The following IL1RAPL2 variants were observed in gnomAD, a reference collection of about 807,000 sequenced individuals.
IL1RAPL2 encodes interleukin 1 receptor accessory protein like 2.
Under a neutral mutation model 44.1 loss-of-function variants are expected in IL1RAPL2, and 3 were observed. The observed-to-expected ratio is 0.07, with a 90% CI of 0.03 to 0.18. IL1RAPL2 has a LOEUF of 0.18. Ranked by LOEUF, IL1RAPL2 falls within the 10% of genes least tolerant of loss-of-function variation. The pLI, the probability that IL1RAPL2 is intolerant of heterozygous loss-of-function variation, is 1.00. For missense variants in IL1RAPL2, 391 were observed against 496.4 expected, an observed-to-expected ratio of 0.79 and a Z score of 2.02; for synonymous variants, 181 against 178.8, an observed-to-expected ratio of 1.01 and a Z score of -0.10.
At chrX:104,962,201 G>A (rs1003440268) in intron 2 of IL1RAPL2, among the ~76,000 whole-genome samples, 4 of 112,102 alleles carry the variant, frequency 3.6e-5, no homozygotes, top group Non-Finnish European at 5.6e-5. Flanking sequence ...ACATAGTTAA[G>A]TCTGTTTCCT....
rs867689128 is a variant in IL1RAPL2, at chrX:104,931,992, A to T, written c.83-263483A>T. 3.8e-4 allele frequency among the ~76,000 whole-genome samples: 12 copies of T among 31,333 alleles called. No individual in the cohort carries two copies. The East Asian group carries it at 0.011, about 29-fold the overall frequency. The allele number at this position is 31,333 out of a possible 115,157, so 27.2% of individuals were successfully genotyped here. A position where few individuals can be genotyped will look rare whatever the true frequency, so the allele number is the denominator to read the frequency against. ...TGTGTGTGTTTGTATATATATATAT[A>T]TATATTTTTTTTTTTTTGAGACAGA... On this transcript the variant is annotated intron_variant, in intron 2 of 10. Coordinates refer to ENST00000372582, the MANE Select transcript of IL1RAPL2 (RefSeq NM_017416.2).
Position 105,576,507 on chromosome X carries a change from G to T in IL1RAPL2, c.772+92120G>T, listed in dbSNP as rs754041364. ...GAACTTCTAGTAAGTCAATAGGTCA[G>T]CAGTATATAGTGTTCTCATGCTCTA... On this transcript the variant is annotated intron_variant, in intron 6 of 10. Coordinates refer to ENST00000372582, the MANE Select transcript of IL1RAPL2 (RefSeq NM_017416.2). Among the ~76,000 whole-genome samples the T allele has an allele frequency of 5.4e-5, 6 of 111,420 alleles. No homozygotes were observed. The Admixed American group carries it at 5.8e-4, about 11-fold the overall frequency.
intron 5 of IL1RAPL2, among the ~76,000 whole-genome samples, chrX:105,321,088 G>A (rs1317292538): frequency 9.0e-6 from 1 of 111,635 alleles, no homozygotes; most frequent in Non-Finnish European, 1.9e-5. Context: ...GGTTTGGGGT[G>A]GGGCATCTGT....
At chrX:105,331,535 A>G (rs746617466) in intron 5 of IL1RAPL2, among the ~76,000 whole-genome samples, 3 of 111,349 alleles carry the variant, frequency 2.7e-5, no homozygotes, top group Non-Finnish European at 5.7e-5. Flanking sequence ...AATTTTTGTA[A>G]ACAGAACAGC....
intron 6 of IL1RAPL2, among the ~76,000 whole-genome samples, chrX:105,602,116 A>G (rs1008697703): frequency 9.0e-6 from 1 of 111,562 alleles, no homozygotes; most frequent in Non-Finnish European, 1.9e-5. Flanking sequence ...CACTACTGCT[A>G]CTGAACCTAG....
At chrX:104,670,529 G>A (rs936872151) in intron 2 of IL1RAPL2, among the ~76,000 whole-genome samples, 6 of 111,014 alleles carry the variant, frequency 5.4e-5, no homozygotes, top group East Asian at 5.7e-4. Context: ...GCCATCTGGC[G>A]TCCTTCAATC....
intron 3 of IL1RAPL2, among the ~76,000 whole-genome samples, chrX:105,233,522 AC>A (rs1479797136): frequency 6.2e-5 from 7 of 112,182 alleles, no homozygotes; most frequent in African/African-American, 2.3e-4. Flanking sequence ...CAGATTTTCA[AC>A]ATAGCAATAT....
intron 2 of IL1RAPL2, among the ~76,000 whole-genome samples, chrX:104,978,683 G>A (rs1429472090): frequency 8.9e-6 from 1 of 112,013 alleles, no homozygotes; most frequent in Non-Finnish European, 1.9e-5. Context: ...GTACCAACTG[G>A]AAATTATTAT....
chrX:104,579,872 T>C (rs746542881), intron 1 of IL1RAPL2, among the ~76,000 whole-genome samples: 1 of 111,299 alleles, frequency 9.0e-6, no homozygotes, highest in African/African-American at 3.3e-5. Flanking sequence ...AAAATATGCA[T>C]GTCAAAATCT....
At chrX:105,373,919 G>C (rs1012193887) in intron 5 of IL1RAPL2, among the ~76,000 whole-genome samples, 3 of 109,447 alleles carry the variant, frequency 2.7e-5, no homozygotes, top group African/African-American at 1.0e-4. Flanking sequence ...AGGAGTTCAA[G>C]ACCAGCCTGG....
At chrX:104,731,179 T>G (rs1298411160) in intron 2 of IL1RAPL2, among the ~76,000 whole-genome samples, 3 of 110,201 alleles carry the variant, frequency 2.7e-5, no homozygotes, top group Non-Finnish European at 5.7e-5. Flanking sequence ...GTCTGTTCAC[T>G]CTGATGGTAG....
intron 2 of IL1RAPL2, among the ~76,000 whole-genome samples, chrX:104,795,019 T>G (rs1397033346): frequency 8.9e-6 from 1 of 111,839 alleles, no homozygotes; most frequent in Non-Finnish European, 1.9e-5. Flanking sequence ...TGGGGCTTGA[T>G]AAAAACATGG....
At chrX:105,597,357 G>A (rs1194061082) in intron 6 of IL1RAPL2, among the ~76,000 whole-genome samples, 1 of 111,656 alleles carries the variant, frequency 9.0e-6, no homozygotes, top group Non-Finnish European at 1.9e-5. Context: ...TTCTCGCATT[G>A]CTGTAAAGAA....
chrX:104,820,613 A>G (rs2147623262), intron 2 of IL1RAPL2, among the ~76,000 whole-genome samples: 1 of 111,666 alleles, frequency 9.0e-6, no homozygotes, highest in East Asian at 2.8e-4. Flanking sequence ...TCAGTACAAC[A>G]TTTCTGATTT....
rs1397723044 is a variant in IL1RAPL2, at chrX:105,042,815, C to T, written c.83-152660C>T. ...GCGGCACTATTCACAATAGCAAAGA[C>T]TTGGAACCAACCCAAATGTCCAACA... On this transcript the variant is annotated intron_variant, in intron 2 of 10. Coordinates refer to ENST00000372582, the MANE Select transcript of IL1RAPL2 (RefSeq NM_017416.2). Among the ~76,000 whole-genome samples the T allele has an allele frequency of 9.3e-5, 10 of 107,714 alleles. No individual in the cohort carries two copies. The South Asian group carries it at 2.2e-3, about 23-fold the overall frequency. The allele number at this position is 107,714 out of a possible 115,157, so 93.5% of individuals were successfully genotyped here.
intron 2 of IL1RAPL2, among the ~76,000 whole-genome samples, chrX:104,961,932 A>G (rs1287164847): frequency 1.8e-5 from 2 of 112,440 alleles, no homozygotes; most frequent in Admixed American, 9.4e-5. Flanking sequence ...TGGAAAATAG[A>G]CACCACTGGC....
chrX:105,470,344 G>A (rs2036158107), intron 5 of IL1RAPL2, among the ~76,000 whole-genome samples: 2 of 111,828 alleles, frequency 1.8e-5, no homozygotes, highest in Admixed American at 1.9e-4. Context: ...TAACAGAATT[G>A]TTCAAGGTTA....
intron 2 of IL1RAPL2, among the ~76,000 whole-genome samples, chrX:105,177,495 C>A (rs1316950205): frequency 9.0e-6 from 1 of 110,735 alleles, no homozygotes; most frequent in East Asian, 2.8e-4. Context: ...TCCCCCAATC[C>A]CTAGAAAAAT....
chrX:104,767,100 T>C (rs758613286), intron 2 of IL1RAPL2, among the ~76,000 whole-genome samples: 3 of 112,061 alleles, frequency 2.7e-5, no homozygotes, highest in South Asian at 7.5e-4. Context: ...TCCACTTTTT[T>C]CCTGAAAACC....
Sources: gnomAD v4.1 joint callset for allele counts (sites outside exome capture counted in the v4.1 genomes callset) on GRCh38, gnomAD v4.1.1 for gene constraint, MANE v1.5 for transcripts, NCBI Gene and HGNC (gene_info 2026-07-23, HGNC 2026-07-21) for gene names.